Variants in MARK4 observed in about 807,000 individuals in gnomAD.
The protein encoded by MARK4 is microtubule affinity regulating kinase 4.
A neutral mutation model predicts 81.5 loss-of-function variants in MARK4; 19 were observed. The observed-to-expected ratio is 0.23, with a 90% CI of 0.16 to 0.34. The LOEUF (loss-of-function observed/expected upper bound fraction) is 0.34, where lower values mean the gene tolerates loss of function less well. Ranked by LOEUF, MARK4 falls within the 10% of genes least tolerant of loss-of-function variation. The probability of loss-of-function intolerance (pLI) is 1.00; values close to 1 mark genes in which losing one functional copy is unlikely to be tolerated. For missense variants in MARK4, 772 were observed against 1,058.8 expected (o/e 0.73, Z 3.76); for synonymous variants, 436 against 439.0 (o/e 0.99, Z 0.08).
chr19:45,257,689 ATTT>A lies in MARK4; in HGVS notation c.52-1284_52-1282del, dbSNP rs71173133. Among the ~76,000 whole-genome samples, 55 of 86,158 alleles carry A rather than the reference ATTT, an allele frequency of 6.4e-4. 1 individual carries two copies. Among genetic ancestry groups the A allele is most frequent in the African/African-American group, 7.1e-4 (18 of 25,434 alleles). The allele number at this position is 86,158 out of a possible 152,430, so 56.5% of individuals were successfully genotyped here. A position where few individuals can be genotyped will look rare whatever the true frequency, so the allele number is the denominator to read the frequency against. On this transcript the variant is annotated intron_variant, in intron 1 of 16. Coordinates refer to ENST00000262891, the MANE Select transcript of MARK4 (RefSeq NM_001199867.2). The stretch of plus-strand genomic sequence containing the variant: ...TGAGCCACCTCGCCTGGCCCATAAT[ATTT>A]TTTTTTTTTTTTTTTGAGACAGAGT...
chr19:45,294,367 A>T lies in MARK4; in HGVS notation c.1513A>T (p.Met505Leu), dbSNP rs1970858235. The T allele has an allele frequency of 6.2e-7, 1 of 1,614,112 alleles. No homozygotes were observed. The highest frequency in any genetic ancestry group is 2.2e-5 in the East Asian group (1 of 44,864). The change falls in exon 14 of 17, where the codon ATG becomes TTG. Residue 505 changes from methionine to leucine, a missense_variant. Transcript: ENST00000262891. Reference sequence around the variant, plus strand: ...CCTGCAGAACAACCTCCCTCCTAGCATGATGACCCGCAGAAACACCTACGT... The same window carrying T: ...CCTGCAGAACAACCTCCCTCCTAGCTTGATGACCCGCAGAAACACCTACGT... Reference protein sequence around the residue: ...TSTPNNLPPSMMTRRNTYVCT... With the variant: ...TSTPNNLPPSLMTRRNTYVCT...
intron 2 of MARK4, among the ~76,000 whole-genome samples, chr19:45,261,492 A>G (rs1275591631): frequency 6.6e-6 from 1 of 152,234 alleles, no homozygotes; most frequent in Non-Finnish European, 1.5e-5. Context: ...GTGTTTGATA[A>G]AATTTTTAAA....
chr19:45,266,151 T>C, intron 6 of MARK4, 74 bp from the exon 7 acceptor site: 1 of 1,465,688 alleles, frequency 6.8e-7, no homozygotes, highest in Non-Finnish European at 9.6e-7. Flanking sequence ...CAGCTGTGAG[T>C]GGTTTCACAG....
At position 45,251,307 on chromosome 19, in the gene MARK4, C is replaced by G. The variant is rs1381684164; in HGVS notation, c.-282C>G. On this transcript the variant is annotated 5_prime_UTR_variant, in exon 1 of 17. Coordinates refer to ENST00000262891, the MANE Select transcript of MARK4 (RefSeq NM_001199867.2). Reference sequence around the variant, plus strand: ...GCCCCTCCACCGCCTCCCTCCGCCGCCGCTTGGGCCGGCTCCGCGCCCCCT... The same window carrying G: ...GCCCCTCCACCGCCTCCCTCCGCCGGCGCTTGGGCCGGCTCCGCGCCCCCT... The G allele has an allele frequency of 6.6e-6, 1 of 152,020 alleles. No homozygotes were observed. The highest frequency in any genetic ancestry group is 2.5e-5 in the African/African-American group (1 of 40,344). The allele number at this position is 152,020 out of a possible 1,614,324, so 9.4% of individuals were successfully genotyped here. A position where few individuals can be genotyped will look rare whatever the true frequency, so the allele number is the denominator to read the frequency against.
At position 45,286,253 on chromosome 19, in the gene MARK4, G is replaced by A. The variant is rs533709215; in HGVS notation, c.1277-1194G>A. On this transcript the variant is annotated intron_variant, in intron 12 of 16. Transcript: ENST00000262891. ...GTATTTTTAGTAGAGACAGGGTTTT[G>A]CCATGTTAGCCAGGCTGGTCTCAAT... is the stretch of plus-strand genomic sequence containing the variant. Among the ~76,000 whole-genome samples, 11 of 151,694 alleles carry A rather than the reference G, an allele frequency of 7.3e-5. No homozygotes were observed. In the East Asian group the frequency reaches 9.9e-4, roughly 14 times the overall value.
intron 2 of MARK4, among the ~76,000 whole-genome samples, chr19:45,262,136 T>G (rs975515287): frequency 6.6e-6 from 1 of 152,182 alleles, no homozygotes; most frequent in African/African-American, 2.4e-5. Context: ...TAAACAGCTC[T>G]GTGCCTCAGT....
intron 1 of MARK4, among the ~76,000 whole-genome samples, chr19:45,253,089 T>C (rs1970264678): frequency 6.6e-6 from 1 of 151,918 alleles, no homozygotes; most frequent in Admixed American, 6.6e-5. Flanking sequence ...CACCCAATCC[T>C]AGACTTCTCC....
chr19:45,273,942 A>G (rs1347447356), intron 8 of MARK4, among the ~76,000 whole-genome samples: 1 of 152,228 alleles, frequency 6.6e-6, no homozygotes, highest in African/African-American at 2.4e-5. Flanking sequence ...CTGTTCAATG[A>G]AGATCATAAA....
At chr19:45,292,517 A>G (rs761207041) in intron 13 of MARK4, among the ~76,000 whole-genome samples, 21 of 152,184 alleles carry the variant, frequency 1.4e-4, no homozygotes, top group Non-Finnish European at 1.9e-4. Flanking sequence ...AATGAGAGCT[A>G]TTGTTATTGC....
At chr19:45,285,416 G>T (rs1012575289) in intron 12 of MARK4, among the ~76,000 whole-genome samples, 4 of 152,094 alleles carry the variant, frequency 2.6e-5, no homozygotes, top group Non-Finnish European at 1.5e-5. Flanking sequence ...GCACAAAGTG[G>T]CTGCTGAAAG....
chr19:45,297,203 G>C (rs1001078677), intron 14 of MARK4, among the ~76,000 whole-genome samples: 1 of 152,126 alleles, frequency 6.6e-6, no homozygotes, highest in Non-Finnish European at 1.5e-5. Flanking sequence ...GAGGGTCCTG[G>C]GACAGTGGAA....
chr19:45,256,899 A>T (rs1200551063), intron 1 of MARK4, among the ~76,000 whole-genome samples: 1 of 152,118 alleles, frequency 6.6e-6, no homozygotes, highest in Non-Finnish European at 1.5e-5. Flanking sequence ...CAGTATTTCA[A>T]ACTTTTTCAT....
At position 45,266,205 on chromosome 19, in the gene MARK4, A is replaced by G. The variant is rs748783676; in HGVS notation, c.493-20A>G. 1.9e-6 allele frequency: 3 copies of G among 1,613,510 alleles called. No homozygotes were observed. The highest frequency in any genetic ancestry group is 1.1e-5 in the South Asian group (1 of 91,070). On this transcript the variant is annotated intron_variant, in intron 6 of 16. Coordinates refer to ENST00000262891, the MANE Select transcript of MARK4 (RefSeq NM_001199867.2). ...GGGTTTTGGGAGCCACAAATAACCA[A>G]CCTTCCCCTTCCCTCCCAGATTGTT...
chr19:45,304,543 T>G lies in MARK4; in HGVS notation c.*1833T>G, dbSNP rs1971023356. 6.6e-6 allele frequency: 1 copy of G among 152,260 alleles called. No homozygotes were observed. The highest frequency in any genetic ancestry group is 1.5e-5 in the Non-Finnish European group (1 of 68,062). The allele number at this position is 152,260 out of a possible 1,614,324, so 9.4% of individuals were successfully genotyped here. ...AAGCTGGACTTTCTCCCCATGGCAC[T>G]GGGGAACCATGGAAGTTCAGGGAAC... On this transcript the variant is annotated 3_prime_UTR_variant, in exon 17 of 17. Coordinates refer to ENST00000262891, the MANE Select transcript of MARK4 (RefSeq NM_001199867.2).
chr19:45,287,913 A>C, intron 13 of MARK4: 1 of 573,576 alleles, frequency 1.7e-6, no homozygotes, highest in Non-Finnish European at 3.2e-6. Context: ...CTTGGCAGAA[A>C]GGATTTAATA....
At chr19:45,251,836 C>T (rs1970246028) in intron 1 of MARK4, among the ~76,000 whole-genome samples, 197 bp downstream of exon 1, 1 of 151,454 alleles carries the variant, frequency 6.6e-6, no homozygotes, top group Non-Finnish European at 1.5e-5. Flanking sequence ...CCCCTGGGGG[C>T]GCCCCTCTCT....
rs551975426 is a variant in MARK4, at chr19:45,274,555, A to G, written c.786+2847A>G. On this transcript the variant is annotated intron_variant, in intron 8 of 16. Coordinates refer to ENST00000262891, the MANE Select transcript of MARK4 (RefSeq NM_001199867.2). ...CTGAGACAGGAGAATTGCTTGAACC[A>G]GGGAGGCAGAGGTTGTAGTGAGCCG... Among the ~76,000 whole-genome samples, 4 of 150,674 alleles carry G rather than the reference A, an allele frequency of 2.7e-5. No homozygotes were observed. In the East Asian group the frequency reaches 7.9e-4, roughly 30 times the overall value.
At chr19:45,262,140 C>T (rs145039123) in intron 2 of MARK4, among the ~76,000 whole-genome samples, 192 of 152,200 alleles carry the variant, frequency 1.3e-3, no homozygotes, top group African/African-American at 4.5e-3. Context: ...CAGCTCTGTG[C>T]CTCAGTTTCC....
chr19:45,287,861 G>A lies in MARK4; in HGVS notation c.1494+197G>A, dbSNP rs559322505. The A allele has an allele frequency of 4.3e-5, 28 of 656,752 alleles. 1 individual carries two copies. Among genetic ancestry groups the A allele is most frequent in the Admixed American group, 1.2e-4 (5 of 42,958 alleles). The allele number at this position is 656,752 out of a possible 1,614,324, so 40.7% of individuals were successfully genotyped here. Reference sequence around the variant, plus strand: ...TTATACACTAACATTTGATGTTAGCGTATAAATTAGTGTTCTGTGTCAAAG... The same window carrying A: ...TTATACACTAACATTTGATGTTAGCATATAAATTAGTGTTCTGTGTCAAAG... On this transcript the variant is annotated intron_variant, in intron 13 of 16. Coordinates refer to ENST00000262891, the MANE Select transcript of MARK4 (RefSeq NM_001199867.2).
Sources: allele counts gnomAD v4.1 joint callset (sites outside exome capture counted in the v4.1 genomes callset), GRCh38; gene constraint gnomAD v4.1.1; transcripts MANE v1.5; gene names NCBI Gene and HGNC (gene_info 2026-07-23, HGNC 2026-07-21).